ROR2: variants seen among roughly 807,000 people sequenced by gnomAD.
ROR2 encodes the protein ROR family WNT receptor 2, also known as tyrosine-protein kinase transmembrane receptor ROR2.
A neutral mutation model predicts 74.9 loss-of-function variants in ROR2; 33 were observed. That is an observed-to-expected ratio of 0.44 (90% CI 0.33 to 0.59). The LOEUF (loss-of-function observed/expected upper bound fraction) is 0.59, where lower values mean the gene tolerates loss of function less well. Among genes scored for constraint, ROR2 ranks in the 20% least tolerant of loss-of-function variants. The probability of loss-of-function intolerance (pLI) is 0.02; values close to 1 mark genes in which losing one functional copy is unlikely to be tolerated. For missense variants in ROR2, 1,216 were observed against 1,313.8 expected (o/e 0.93, Z 1.15); for synonymous variants, 586 against 558.7 (o/e 1.05, Z -0.69).
intron 1 of ROR2, among the ~76,000 whole-genome samples, chr9:91,921,732 G>T (rs573533562): frequency 1.1e-3 from 167 of 151,960 alleles, no homozygotes; most frequent in African/African-American, 3.6e-3. Context: ...GCGTGGCGGC[G>T]CACGCCTGTA....
At chr9:91,928,984 C>A (rs753831613) in intron 1 of ROR2, among the ~76,000 whole-genome samples, 1 of 152,236 alleles carries the variant, frequency 6.6e-6, no homozygotes, top group African/African-American at 2.4e-5. Flanking sequence ...ACCAGCCATG[C>A]CTGCACAGTA....
chr9:91,887,606 T>C (rs1045670763), intron 1 of ROR2, among the ~76,000 whole-genome samples: 2 of 152,126 alleles, frequency 1.3e-5, no homozygotes, highest in Non-Finnish European at 2.9e-5. Context: ...CCCCTTATGG[T>C]TTCCTTGCGC....
intron 1 of ROR2, among the ~76,000 whole-genome samples, chr9:91,902,167 G>A (rs940741805): frequency 2.6e-5 from 4 of 152,150 alleles, no homozygotes; most frequent in African/African-American, 9.7e-5. Context: ...CAACAAGTAA[G>A]AGATGCATAC....
intron 1 of ROR2, among the ~76,000 whole-genome samples, chr9:91,822,435 G>A (rs1828165406): frequency 6.6e-6 from 1 of 152,188 alleles, no homozygotes; most frequent in Non-Finnish European, 1.5e-5. Flanking sequence ...CCTGCTTCCA[G>A]GGCTCCCATA....
intron 8 of ROR2, among the ~76,000 whole-genome samples, chr9:91,725,758 C>G (rs1350079525): frequency 6.6e-6 from 1 of 152,072 alleles, no homozygotes; most frequent in Non-Finnish European, 1.5e-5. Flanking sequence ...TCTATGACAC[C>G]AGCTCCTCCC....
intron 1 of ROR2, among the ~76,000 whole-genome samples, chr9:91,921,547 G>A (rs1685674323): frequency 6.6e-6 from 1 of 152,186 alleles, no homozygotes; most frequent in African/African-American, 2.4e-5. Context: ...TAACTTCAAG[G>A]GGATGGTAAT....
intron 7 of ROR2, among the ~76,000 whole-genome samples, chr9:91,730,250 T>C (rs1837189254): frequency 6.6e-6 from 1 of 152,076 alleles, no homozygotes; most frequent in Admixed American, 6.6e-5. Context: ...GGAGATAATG[T>C]TAATGGAGAA....
At chr9:91,873,056 G>A (rs536213663) in intron 1 of ROR2, among the ~76,000 whole-genome samples, 1 of 152,128 alleles carries the variant, frequency 6.6e-6, no homozygotes, top group Non-Finnish European at 1.5e-5. Flanking sequence ...TCATACTTTC[G>A]ATTCCAACAG....
At chr9:91,830,438 C>T (rs1201897498) in intron 1 of ROR2, among the ~76,000 whole-genome samples, 2 of 152,190 alleles carry the variant, frequency 1.3e-5, no homozygotes, top group African/African-American at 2.4e-5. Context: ...CACCACTGCA[C>T]TCCAGTCTGG....
intron 1 of ROR2, among the ~76,000 whole-genome samples, chr9:91,926,542 T>TAAAAAAAAA (rs1182516692): frequency 1.4e-5 from 1 of 71,584 alleles, no homozygotes; most frequent in Non-Finnish European, 2.9e-5. Context: ...TGACTCCATC[T>TAAAAAAAAA]CAAAAAAAAA....
chr9:91,740,689 C>G (rs1194516035), intron 4 of ROR2, among the ~76,000 whole-genome samples: 2 of 151,652 alleles, frequency 1.3e-5, no homozygotes, highest in East Asian at 3.9e-4. Context: ...TTTCTATTTT[C>G]CAACAATTAT....
At chr9:91,926,134 C>A (rs903044065) in intron 1 of ROR2, among the ~76,000 whole-genome samples, 1 of 151,952 alleles carries the variant, frequency 6.6e-6, no homozygotes, top group South Asian at 2.1e-4. Flanking sequence ...GTAATCCCAG[C>A]ACTTTGGGAG....
intron 1 of ROR2, among the ~76,000 whole-genome samples, chr9:91,800,460 T>C (rs1474001010): frequency 6.6e-6 from 1 of 152,108 alleles, no homozygotes; most frequent in African/African-American, 2.4e-5. Flanking sequence ...AACATGACAG[T>C]TGCTGACTGG....
chr9:91,898,871 G>A (rs957996870), intron 1 of ROR2, among the ~76,000 whole-genome samples: 15 of 152,332 alleles, frequency 9.8e-5, no homozygotes, highest in African/African-American at 2.2e-4. Context: ...TGCTTTCCAC[G>A]CTTGGCACAC....
At chr9:91,744,050 G>A (rs748983089) in intron 4 of ROR2, among the ~76,000 whole-genome samples, 1 of 152,030 alleles carries the variant, frequency 6.6e-6, no homozygotes, top group African/African-American at 2.4e-5. Flanking sequence ...AAATCTTTCA[G>A]ACATTACATT....
intron 1 of ROR2, chr9:91,883,419 A>G (rs1305044797): frequency 6.6e-6 from 1 of 152,164 alleles, no homozygotes; most frequent in Non-Finnish European, 1.5e-5. Flanking sequence ...TATTAAGGTG[A>G]TAGATGGAGC....
chr9:91,771,255 C>T (rs1826217746), intron 2 of ROR2, among the ~76,000 whole-genome samples: 1 of 152,236 alleles, frequency 6.6e-6, no homozygotes, highest in Non-Finnish European at 1.5e-5. Context: ...TGAGCCAGAA[C>T]AGGAGGCCAG....
chr9:91,741,056 C>T (rs1564244078), intron 4 of ROR2, among the ~76,000 whole-genome samples: 2 of 152,110 alleles, frequency 1.3e-5, no homozygotes, highest in African/African-American at 2.4e-5. Context: ...AATCCCAGAA[C>T]TTTGGGAGGC....
chr9:91,827,385 T>C (rs1164282060), intron 1 of ROR2, among the ~76,000 whole-genome samples: 1 of 152,184 alleles, frequency 6.6e-6, no homozygotes, highest in Admixed American at 6.5e-5. Context: ...CACTCCAGCC[T>C]GGGCAACAAG....
Sources: gnomAD v4.1 joint callset for allele counts (sites outside exome capture counted in the v4.1 genomes callset) on GRCh38, gnomAD v4.1.1 for gene constraint, MANE v1.5 for transcripts, NCBI Gene and HGNC (gene_info 2026-07-23, HGNC 2026-07-21) for gene names.